Variants in DPP10 observed in about 807,000 individuals in gnomAD.
The protein encoded by DPP10 is inactive dipeptidyl peptidase 10.
Under a neutral mutation model 120.9 loss-of-function variants are expected in DPP10, and 33 were observed. The observed-to-expected ratio is 0.27, with a 90% confidence interval of 0.21 to 0.37. DPP10 has a LOEUF of 0.37. Ranked by LOEUF, DPP10 falls within the 10% of genes least tolerant of loss-of-function variation. The pLI, the probability that DPP10 is intolerant of heterozygous loss-of-function variation, is 1.00. For synonymous variants in DPP10, 337 were observed against 326.1 expected (o/e 1.03, Z -0.36); for missense variants, 816 against 942.8 (o/e 0.87, Z 1.76).
chr2:115,096,238 C>T (rs1484270977), intron 1 of DPP10, among the ~76,000 whole-genome samples: 1 of 152,130 alleles, frequency 6.6e-6, no homozygotes, highest in Non-Finnish European at 1.5e-5. Flanking sequence ...AATATGCAAA[C>T]ACATGAGCAT....
intron 1 of DPP10, among the ~76,000 whole-genome samples, chr2:114,585,479 T>TTTGCAAATCCC: frequency 6.6e-6 from 1 of 152,280 alleles, no homozygotes. Flanking sequence ...TTTAATATCA[T>TTTGCAAATCCC]TTGCAAATCC....
At chr2:115,172,604 G>T (rs796095062) in intron 1 of DPP10, among the ~76,000 whole-genome samples, 8 of 152,272 alleles carry the variant, frequency 5.3e-5, no homozygotes, top group African/African-American at 1.9e-4. Flanking sequence ...TGACATACTA[G>T]TTTGAGCAAC....
At chr2:114,643,326 T>C (rs1187998052) in intron 1 of DPP10, among the ~76,000 whole-genome samples, 1 of 151,888 alleles carries the variant, frequency 6.6e-6, no homozygotes, top group Non-Finnish European at 1.5e-5. Context: ...AGCAGTTATC[T>C]TCTCTCCCGT....
At chr2:114,896,062 C>A (rs1298269210) in intron 1 of DPP10, among the ~76,000 whole-genome samples, 2 of 152,074 alleles carry the variant, frequency 1.3e-5, no homozygotes, top group Non-Finnish European at 2.9e-5. Flanking sequence ...AGCATTATTT[C>A]TGAGGGCTCT....
At chr2:115,306,907 A>T (rs1209430224) in intron 1 of DPP10, among the ~76,000 whole-genome samples, 1 of 152,116 alleles carries the variant, frequency 6.6e-6, no homozygotes, top group Non-Finnish European at 1.5e-5. Context: ...AAAAGTATTG[A>T]TGTACAGTTA....
chr2:114,765,534 C>A (rs924651836), intron 1 of DPP10, among the ~76,000 whole-genome samples: 3 of 152,160 alleles, frequency 2.0e-5, no homozygotes, highest in African/African-American at 7.2e-5. Flanking sequence ...TGGCCGAGGA[C>A]AGGCTTCAAA....
At chr2:114,604,542 A>G (rs1692636592) in intron 1 of DPP10, among the ~76,000 whole-genome samples, 1 of 152,108 alleles carries the variant, frequency 6.6e-6, no homozygotes, top group Non-Finnish European at 1.5e-5. Flanking sequence ...CCTGCCTACT[A>G]GAGAAGCCTC....
chr2:114,509,614 G>A (rs544554306), intron 1 of DPP10, among the ~76,000 whole-genome samples: 6 of 152,306 alleles, frequency 3.9e-5, no homozygotes, highest in Non-Finnish European at 7.3e-5. Flanking sequence ...CCCCAGCTTG[G>A]TGATCTCTCT....
At chr2:114,936,719 G>T (rs1421130699) in intron 1 of DPP10, among the ~76,000 whole-genome samples, 1 of 151,980 alleles carries the variant, frequency 6.6e-6, no homozygotes, top group Non-Finnish European at 1.5e-5. Context: ...CAGTGTAGAG[G>T]TATTAACTTT....
At chr2:114,489,245 G>A (rs1373721590) in intron 1 of DPP10, among the ~76,000 whole-genome samples, 1 of 152,086 alleles carries the variant, frequency 6.6e-6, no homozygotes, top group East Asian at 1.9e-4. Context: ...TTCTCTCCAG[G>A]AAGGAGTGTG....
At chr2:114,605,557 T>C (rs1692716508) in intron 1 of DPP10, among the ~76,000 whole-genome samples, 1 of 152,150 alleles carries the variant, frequency 6.6e-6, no homozygotes, top group South Asian at 2.1e-4. Flanking sequence ...ACTGTTTATG[T>C]TATTGATAAG....
intron 1 of DPP10, among the ~76,000 whole-genome samples, chr2:115,212,881 G>A (rs116510380): frequency 0.015 from 2,296 of 152,190 alleles, 75 homozygotes; most frequent in African/African-American, 0.052. Flanking sequence ...GAAATGCATA[G>A]TTATTCACAT....
intron 7 of DPP10, among the ~76,000 whole-genome samples, chr2:115,715,434 C>CT (rs1233339429): frequency 1.3e-5 from 2 of 151,690 alleles, no homozygotes; most frequent in East Asian, 1.9e-4. Context: ...CATCTGAAGC[C>CT]TTTTTTTGAC....
chr2:114,772,842 T>G (rs1422674305), intron 1 of DPP10, among the ~76,000 whole-genome samples: 1 of 152,172 alleles, frequency 6.6e-6, no homozygotes, highest in Admixed American at 6.5e-5. Context: ...GCTGACTCAA[T>G]GAGCTTCCAT....
chr2:114,768,386 C>T (rs1463307495), intron 1 of DPP10, among the ~76,000 whole-genome samples: 1 of 152,024 alleles, frequency 6.6e-6, no homozygotes. Flanking sequence ...CAGGCATTAT[C>T]CTTAAGAATA....
intron 1 of DPP10, among the ~76,000 whole-genome samples, chr2:114,562,262 T>C (rs1025600454): frequency 6.6e-5 from 10 of 152,236 alleles, no homozygotes; most frequent in Non-Finnish European, 1.5e-5. Flanking sequence ...TTTAGACTTT[T>C]ATGAAGAACA....
intron 1 of DPP10, among the ~76,000 whole-genome samples, chr2:114,543,048 A>G (rs980398449): frequency 2.8e-4 from 43 of 152,330 alleles, no homozygotes; most frequent in African/African-American, 1.0e-3. Context: ...TTTTCACCAC[A>G]AAGACTGAGT....
intron 3 of DPP10, among the ~76,000 whole-genome samples, chr2:115,429,113 G>A (rs890123460): frequency 6.6e-6 from 1 of 151,872 alleles, no homozygotes; most frequent in Non-Finnish European, 1.5e-5. Context: ...AACTTTAACC[G>A]TAATTATTTT....
intron 5 of DPP10, among the ~76,000 whole-genome samples, chr2:115,547,784 A>G (rs546354634): frequency 6.6e-6 from 1 of 151,420 alleles, no homozygotes; most frequent in Admixed American, 6.6e-5. Context: ...AAAAAAAAAG[A>G]CATAAATAAT....
Sources: gnomAD v4.1 joint callset for allele counts (sites outside exome capture counted in the v4.1 genomes callset) on GRCh38, gnomAD v4.1.1 for gene constraint, MANE v1.5 for transcripts, NCBI Gene and HGNC (gene_info 2026-07-23, HGNC 2026-07-21) for gene names.